KCNJ6: variants seen among roughly 807,000 people sequenced by gnomAD.
KCNJ6 encodes the protein potassium inwardly rectifying channel subfamily J member 6.
In KCNJ6, 9 loss-of-function variants were observed where a neutral mutation model predicts 34.2. The ratio of observed to expected loss-of-function variants is 0.26; its 90% CI spans 0.16 to 0.46. The LOEUF (loss-of-function observed/expected upper bound fraction) is 0.46. Ranked by LOEUF, KCNJ6 falls within the 20% of genes least tolerant of loss-of-function variation. KCNJ6 has a pLI of 1.00. For synonymous variants in KCNJ6, 196 were observed against 207.1 expected, an observed-to-expected ratio of 0.95 and a Z score of 0.46; for missense variants, 236 against 531.3, an observed-to-expected ratio of 0.44 and a Z score of 5.46.
Position 37,714,215 on chromosome 21 carries a change from G to GGCTTCCACC in KCNJ6, c.933_941dup (p.Val312_Ala314dup). ...CCAGGATAGAACACATCTTACCTGT[G>GGCTTCCACC]GCTTCCACCATTCCTTCTAGGATGA... On this transcript the variant is annotated inframe_insertion, in exon 3 of 4. Transcript: ENST00000609713. This position sits in a 1 kb window ranked among gnomAD's most constrained non-coding sequence, Gnocchi z 5.9. 1 of 1,611,504 alleles carries GGCTTCCACC rather than the reference G, an allele frequency of 6.2e-7. No homozygotes were observed. Among genetic ancestry groups the GGCTTCCACC allele is most frequent in the South Asian group, 1.1e-5 (1 of 90,884 alleles).
intron 3 of KCNJ6, among the ~76,000 whole-genome samples, chr21:37,656,016 C>T (rs2054462273): frequency 6.6e-6 from 1 of 152,166 alleles, no homozygotes; most frequent in Non-Finnish European, 1.5e-5. Context: ...CCTTCCTGGA[C>T]CCTCATGGAC....
intron 1 of KCNJ6, among the ~76,000 whole-genome samples, chr21:37,882,900 AGT>A (rs2055716708): frequency 6.6e-6 from 1 of 152,154 alleles, no homozygotes; most frequent in Admixed American, 6.5e-5. Flanking sequence ...TGTGTGCGTG[AGT>A]GTGTTGTGTG....
intron 3 of KCNJ6, among the ~76,000 whole-genome samples, chr21:37,634,761 A>AT (rs66535658): frequency 1.3e-3 from 185 of 143,174 alleles, no homozygotes; most frequent in African/African-American, 2.6e-3. Flanking sequence ...CATACAAATC[A>AT]TTTTTTTTTT....
At chr21:37,697,608 G>C (rs937614768) in intron 3 of KCNJ6, among the ~76,000 whole-genome samples, 1 of 152,136 alleles carries the variant, frequency 6.6e-6, no homozygotes, top group Non-Finnish European at 1.5e-5. Flanking sequence ...TCTTTGTGAG[G>C]GCTTCCCACC....
intron 3 of KCNJ6, among the ~76,000 whole-genome samples, chr21:37,703,317 G>C (rs963321782): frequency 6.6e-6 from 1 of 152,060 alleles, no homozygotes; most frequent in African/African-American, 2.4e-5. Flanking sequence ...GGGGAAGAAA[G>C]AGGGAGAGGC....
chr21:37,845,980 G>A (rs1478591934), intron 1 of KCNJ6, among the ~76,000 whole-genome samples: 4 of 152,020 alleles, frequency 2.6e-5, no homozygotes, highest in Non-Finnish European at 5.9e-5. Context: ...AAACGTTTGG[G>A]GTAATCATGA....
intron 3 of KCNJ6, among the ~76,000 whole-genome samples, chr21:37,676,295 C>T (rs1477070777): frequency 6.6e-6 from 1 of 152,214 alleles, no homozygotes; most frequent in African/African-American, 2.4e-5. Flanking sequence ...GTGTGAGTCC[C>T]GTGACCTCCA....
At chr21:37,792,795 A>G (rs1192331086) in intron 2 of KCNJ6, among the ~76,000 whole-genome samples, 1 of 152,186 alleles carries the variant, frequency 6.6e-6, no homozygotes, top group Non-Finnish European at 1.5e-5. Flanking sequence ...ACAGGACAGA[A>G]GGCACACAAA....
intron 1 of KCNJ6, among the ~76,000 whole-genome samples, chr21:37,870,765 G>A (rs983345984): frequency 1.3e-5 from 2 of 152,044 alleles, no homozygotes; most frequent in African/African-American, 4.8e-5. Flanking sequence ...TTTCAAGGGG[G>A]TCATCTTGCT....
At chr21:37,823,142 T>G (rs1555847531) in intron 2 of KCNJ6, among the ~76,000 whole-genome samples, 1 of 151,952 alleles carries the variant, frequency 6.6e-6, no homozygotes, top group Non-Finnish European at 1.5e-5. Context: ...CCAGCCCCAG[T>G]CTGCAGGCCA....
intron 1 of KCNJ6, among the ~76,000 whole-genome samples, chr21:37,900,396 C>A (rs2055811040): frequency 6.6e-6 from 1 of 152,190 alleles, no homozygotes; most frequent in African/African-American, 2.4e-5. Context: ...ATATCGAGTA[C>A]CTACTATGTG....
At chr21:37,880,707 T>C (rs2055703281) in intron 1 of KCNJ6, among the ~76,000 whole-genome samples, 2 of 152,342 alleles carry the variant, frequency 1.3e-5, no homozygotes, top group South Asian at 4.1e-4. Context: ...CAGGAATACA[T>C]TTAGGAAATT....
chr21:37,908,180 T>A (rs1199743348), intron 1 of KCNJ6, among the ~76,000 whole-genome samples: 1 of 152,230 alleles, frequency 6.6e-6, no homozygotes. Flanking sequence ...GTATTATGGA[T>A]CACCACTCTG....
At chr21:37,697,455 G>A (rs965166778) in intron 3 of KCNJ6, among the ~76,000 whole-genome samples, 2 of 152,156 alleles carry the variant, frequency 1.3e-5, no homozygotes, top group African/African-American at 4.8e-5. Flanking sequence ...GTGTTTTCCA[G>A]GGAAAATCCA....
chr21:37,898,673 G>A (rs1366353088), intron 1 of KCNJ6, among the ~76,000 whole-genome samples: 1 of 152,196 alleles, frequency 6.6e-6, no homozygotes, highest in Admixed American at 6.5e-5. Flanking sequence ...TGTAGGTGGT[G>A]GGTGGAGTTG....
At chr21:37,764,998 A>G (rs1251916367) in intron 2 of KCNJ6, among the ~76,000 whole-genome samples, 1 of 152,234 alleles carries the variant, frequency 6.6e-6, no homozygotes, top group African/African-American at 2.4e-5. Flanking sequence ...ATGAGAGCCA[A>G]TTGTTAAATT....
Position 37,618,264 on chromosome 21 carries a change from TCTA to T in KCNJ6, c.*6892_*6894del, listed in dbSNP as rs1211376293. ...ATCTCTGCACTCCAGTTGATCGAGT[TCTA>T]CTAGTTGTGTTTAGTGATAAGACCC... is the stretch of plus-strand genomic sequence containing the variant. On this transcript the variant is annotated 3_prime_UTR_variant, in exon 4 of 4. Coordinates refer to ENST00000609713, the MANE Select transcript of KCNJ6 (RefSeq NM_002240.5). 6 of 152,332 alleles carry T rather than the reference TCTA, an allele frequency of 3.9e-5. No individual in the cohort carries two copies. The South Asian group carries it at 1.2e-3, about 32-fold the overall frequency. The allele number at this position is 152,332 out of a possible 1,614,324, so 9.4% of individuals were successfully genotyped here.
chr21:37,865,339 T>C (rs1394539356), intron 1 of KCNJ6, among the ~76,000 whole-genome samples: 1 of 152,256 alleles, frequency 6.6e-6, no homozygotes, highest in African/African-American at 2.4e-5. Context: ...GGAGGCCTTA[T>C]GCAAATATTT....
intron 3 of KCNJ6, among the ~76,000 whole-genome samples, chr21:37,646,964 T>C (rs60602161): frequency 0.16 from 24,135 of 152,054 alleles, 3,203 homozygotes; most frequent in African/African-American, 0.36. Flanking sequence ...TGAGCCACCG[T>C]GCCTGGCCAA....
Sources: gnomAD v4.1 joint callset for allele counts (sites outside exome capture counted in the v4.1 genomes callset) on GRCh38, gnomAD v4.1.1 for gene constraint, Gnocchi (gnomAD v3.1) non-coding constraint, MANE v1.5 for transcripts, NCBI Gene and HGNC (gene_info 2026-07-23, HGNC 2026-07-21) for gene names.